The following PAPPA2 variants were observed in gnomAD, a reference collection of about 807,000 sequenced individuals.
PAPPA2 encodes pappalysin 2, also known as pappalysin-2.
A neutral mutation model predicts 176.4 loss-of-function variants in PAPPA2; 86 were observed. The observed-to-expected ratio is 0.49, with a 90% CI of 0.41 to 0.58. The LOEUF is 0.58. PAPPA2 is among the 20% of genes least tolerant of loss of function. The pLI, the probability that PAPPA2 is intolerant of heterozygous loss-of-function variation, is 0.00. For missense variants in PAPPA2, 2,073 were observed against 2,256.9 expected, an observed-to-expected ratio of 0.92 and a Z score of 1.65; for synonymous variants, 809 against 852.2, an observed-to-expected ratio of 0.95 and a Z score of 0.88.
chr1:176,494,624 C>A (rs1647496588), intron 1 of PAPPA2, among the ~76,000 whole-genome samples: 2 of 152,124 alleles, frequency 1.3e-5, no homozygotes, highest in Non-Finnish European at 2.9e-5. Flanking sequence ...TAACTGAGGG[C>A]AGATTTTGGC....
intron 17 of PAPPA2, among the ~76,000 whole-genome samples, chr1:176,779,517 C>CAGAGAGAGAGAG (rs1470331540): frequency 2.7e-5 from 3 of 109,738 alleles, no homozygotes; most frequent in Non-Finnish European, 6.8e-5. Context: ...CACACACACA[C>CAGAGAGAGAGAG]ACAGAGAGAG....
At chr1:176,746,086 G>A (rs1662892189) in intron 14 of PAPPA2, among the ~76,000 whole-genome samples, 1 of 152,180 alleles carries the variant, frequency 6.6e-6, no homozygotes. Flanking sequence ...AGCACCACTG[G>A]TTGTCCCACA....
intron 17 of PAPPA2, among the ~76,000 whole-genome samples, chr1:176,785,370 G>A (rs943904821): frequency 4.6e-5 from 7 of 152,138 alleles, no homozygotes; most frequent in Non-Finnish European, 8.8e-5. Context: ...CTAGAAGGCT[G>A]TGGGTGAGGC....
intron 1 of PAPPA2, among the ~76,000 whole-genome samples, chr1:176,545,001 A>G (rs2102571805): frequency 6.6e-6 from 1 of 152,316 alleles, no homozygotes; most frequent in East Asian, 1.9e-4. Flanking sequence ...CCATGTGTTC[A>G]ACAGCCTGAA....
chr1:176,477,803 G>A (rs1489720977), intron 1 of PAPPA2, among the ~76,000 whole-genome samples: 1 of 151,880 alleles, frequency 6.6e-6, no homozygotes, highest in Non-Finnish European at 1.5e-5. Context: ...AATAAAATAT[G>A]CTGGCCTAGA....
chr1:176,628,731 A>G (rs928157854), intron 3 of PAPPA2, among the ~76,000 whole-genome samples: 8 of 152,220 alleles, frequency 5.3e-5, no homozygotes, highest in Non-Finnish European at 8.8e-5. Context: ...TAAAAACATA[A>G]TCTTGTATTT....
At chr1:176,663,384 G>T (rs186476120) in intron 3 of PAPPA2, among the ~76,000 whole-genome samples, 1 of 152,240 alleles carries the variant, frequency 6.6e-6, no homozygotes, top group East Asian at 1.9e-4. Flanking sequence ...CCCCTGCCAA[G>T]TCTGAAAGAT....
intron 17 of PAPPA2, among the ~76,000 whole-genome samples, chr1:176,786,674 C>T (rs572106215): frequency 2.2e-4 from 33 of 152,318 alleles, no homozygotes; most frequent in East Asian, 1.7e-3. Flanking sequence ...CAGAGCCTGA[C>T]GTGGCAGGAG....
chr1:176,642,823 T>C (rs1657174472), intron 3 of PAPPA2, among the ~76,000 whole-genome samples: 1 of 151,972 alleles, frequency 6.6e-6, no homozygotes, highest in South Asian at 2.1e-4. Flanking sequence ...TGCAATCTTC[T>C]CCATTGAGAT....
chr1:176,633,034 A>G (rs1656436676), intron 3 of PAPPA2, among the ~76,000 whole-genome samples: 1 of 152,204 alleles, frequency 6.6e-6, no homozygotes. Flanking sequence ...TAAGTACTTT[A>G]CATCTAATCT....
chr1:176,813,901 G>A (rs1377836949), intron 21 of PAPPA2, among the ~76,000 whole-genome samples: 1 of 152,032 alleles, frequency 6.6e-6, no homozygotes, highest in South Asian at 2.1e-4. Flanking sequence ...TTTCTTCTAG[G>A]GTTTTATAGT....
At chr1:176,616,478 G>A in intron 3 of PAPPA2, 4 of 759,080 alleles carry the variant, frequency 5.3e-6, no homozygotes, top group African/African-American at 1.7e-5. Flanking sequence ...GGCCTACAAT[G>A]CAATTAACAG....
intron 21 of PAPPA2, among the ~76,000 whole-genome samples, chr1:176,829,514 C>A (rs1667004691): frequency 1.3e-5 from 2 of 152,198 alleles, no homozygotes; most frequent in South Asian, 4.1e-4. Context: ...TGGTCACCAG[C>A]TCAGGCCTGC....
At chr1:176,598,016 T>C (rs1463562453) in intron 3 of PAPPA2, among the ~76,000 whole-genome samples, 1 of 152,212 alleles carries the variant, frequency 6.6e-6, no homozygotes, top group Admixed American at 6.5e-5. Flanking sequence ...CAGTAGTGTT[T>C]TGAACCTTTA....
intron 3 of PAPPA2, among the ~76,000 whole-genome samples, chr1:176,670,066 A>G (rs1369159968): frequency 6.6e-6 from 1 of 152,188 alleles, no homozygotes; most frequent in Non-Finnish European, 1.5e-5. Context: ...CTAAGGGACC[A>G]TTGAGCTCTG....
chr1:176,671,943 G>A (rs886679429), intron 4 of PAPPA2, among the ~76,000 whole-genome samples: 3 of 149,816 alleles, frequency 2.0e-5, no homozygotes, highest in Admixed American at 1.3e-4. Flanking sequence ...GATAGCTTTA[G>A]GAGATATACC....
chr1:176,731,665 GTACATATATGTGTATATA>G (rs888897161), intron 12 of PAPPA2, among the ~76,000 whole-genome samples: 3 of 150,876 alleles, frequency 2.0e-5, no homozygotes, highest in Admixed American at 6.7e-5. Flanking sequence ...ATGTGTGTGT[GTACATATATGTGTATATA>G]TACATATATG....
intron 1 of PAPPA2, among the ~76,000 whole-genome samples, chr1:176,486,951 G>T (rs1185145196): frequency 6.7e-6 from 1 of 150,060 alleles, no homozygotes; most frequent in Admixed American, 6.6e-5. Flanking sequence ...AAAAAAAAAA[G>T]GAAACAATTG....
chr1:176,526,412 T>G (rs189825439), intron 1 of PAPPA2, among the ~76,000 whole-genome samples: 11 of 152,336 alleles, frequency 7.2e-5, no homozygotes, highest in Non-Finnish European at 1.5e-5. Context: ...AGTTTAGCAC[T>G]TTAAGAAGCT....
Sources: gnomAD v4.1 joint callset for allele counts (sites outside exome capture counted in the v4.1 genomes callset) on GRCh38, gnomAD v4.1.1 for gene constraint, MANE v1.5 for transcripts, NCBI Gene and HGNC (gene_info 2026-07-23, HGNC 2026-07-21) for gene names.